The following GRIN2A variants were observed in gnomAD, a reference collection of about 807,000 sequenced individuals.
GRIN2A encodes the protein glutamate ionotropic receptor NMDA type subunit 2A.
GRIN2A carries 22 observed loss-of-function variants against 113.4 expected under a neutral mutation model. The ratio of observed to expected loss-of-function variants is 0.19; its 90% CI spans 0.14 to 0.28. GRIN2A has a LOEUF of 0.28. Among genes scored for constraint, GRIN2A ranks in the 10% least tolerant of loss-of-function variants. The probability of loss-of-function intolerance (pLI) is 1.00; values close to 1 mark genes in which losing one functional copy is unlikely to be tolerated. For missense variants in GRIN2A, 1,502 were observed against 1,887.0 expected (o/e 0.80, Z 3.78); for synonymous variants, 827 against 738.4 (o/e 1.12, Z -1.94).
intron 8 of GRIN2A, 69 bp downstream of exon 8, chr16:9,834,036 A>T: frequency 2.0e-6 from 3 of 1,524,066 alleles, no homozygotes; most frequent in Non-Finnish European, 2.7e-6. Context: ...GTGTTCTAAA[A>T]CTGAAATTTT....
intron 2 of GRIN2A, among the ~76,000 whole-genome samples, chr16:10,072,513 G>T (rs1241268242): frequency 1.3e-5 from 2 of 152,192 alleles, no homozygotes. Context: ...TGTCTGCACT[G>T]TGCCCTAGGA....
chr16:10,103,953 T>C (rs1314174845), intron 2 of GRIN2A, among the ~76,000 whole-genome samples: 1 of 152,210 alleles, frequency 6.6e-6, no homozygotes, highest in African/African-American at 2.4e-5. Flanking sequence ...TTGATGTTAT[T>C]CAGGAACCAC....
At chr16:10,001,779 C>T (rs749638770) in intron 2 of GRIN2A, among the ~76,000 whole-genome samples, 15 of 152,140 alleles carry the variant, frequency 9.9e-5, no homozygotes, top group Non-Finnish European at 1.2e-4. Flanking sequence ...GGGGTAGGCA[C>T]GGATATCCAA....
rs957436270 is a variant in GRIN2A at position 9,840,705 on chromosome 16, C to T, written c.1593G>A (p.Thr531=). ...VVDFSVPFVE[T]GISVMVSRSN... ...TTCTTGAAACCATGACACTGATTCC[C>T]GTTTCCACAAAGGGCACAGAGAAGT... Residue 531 remains threonine (T), a synonymous_variant, in exon 7 of 13, where the codon ACG becomes ACA. Coordinates refer to ENST00000330684, the MANE Select transcript of GRIN2A (RefSeq NM_001134407.3). 1.6e-5 allele frequency: 26 copies of T among 1,613,174 alleles called. No homozygotes were observed. The highest frequency in any genetic ancestry group is 6.7e-5 in the East Asian group (3 of 44,834).
At chr16:10,100,492 T>C (rs1169959405) in intron 2 of GRIN2A, among the ~76,000 whole-genome samples, 1 of 152,220 alleles carries the variant, frequency 6.6e-6, no homozygotes, top group Non-Finnish European at 1.5e-5. Flanking sequence ...TTTCCTCATC[T>C]GTAAACTGGG....
chr16:9,991,056 G>C (rs1262657445), intron 2 of GRIN2A, among the ~76,000 whole-genome samples: 1 of 151,414 alleles, frequency 6.6e-6, no homozygotes, highest in Non-Finnish European at 1.5e-5. Flanking sequence ...GACAGGGTGA[G>C]ACTCTGTCTC....
In GRIN2A at chr16:9,756,510, G is replaced by A. The variant is rs1019160355; in HGVS notation, c.*6639C>T. ...CACCTCTCTTTCTGACTTCTATTCT[G>A]ACCTCCCTGGAGGAGACCAGGCACT... On this transcript the variant is annotated 3_prime_UTR_variant, in exon 13 of 13. Transcript: ENST00000330684. The A allele has an allele frequency of 4.5e-6, 1 of 221,042 alleles. No individual in the cohort carries two copies. The highest frequency in any genetic ancestry group is 9.1e-6 in the Non-Finnish European group (1 of 110,364). The allele number at this position is 221,042 out of a possible 1,614,324, so 13.7% of individuals were successfully genotyped here.
At chr16:10,108,616 G>T (rs2048544477) in intron 2 of GRIN2A, among the ~76,000 whole-genome samples, 1 of 152,162 alleles carries the variant, frequency 6.6e-6, no homozygotes, top group African/African-American at 2.4e-5. Flanking sequence ...CGTGTTCAGG[G>T]TCACACACTT....
At chr16:10,152,379 G>T (rs1217045169) in intron 2 of GRIN2A, among the ~76,000 whole-genome samples, 1 of 152,150 alleles carries the variant, frequency 6.6e-6, no homozygotes. Context: ...GAAGCTCATG[G>T]AAATGGTTTA....
intron 11 of GRIN2A, among the ~76,000 whole-genome samples, chr16:9,783,360 C>T (rs944464530): frequency 6.6e-6 from 1 of 152,226 alleles, no homozygotes; most frequent in Non-Finnish European, 1.5e-5. Flanking sequence ...TCAGTCTTTA[C>T]CCAAATGTGG....
chr16:9,989,045 C>G (rs555264990), intron 2 of GRIN2A, among the ~76,000 whole-genome samples: 2 of 152,258 alleles, frequency 1.3e-5, no homozygotes, highest in South Asian at 4.1e-4. Flanking sequence ...CATCCATCTT[C>G]TTTGCCTCAA....
intron 5 of GRIN2A, among the ~76,000 whole-genome samples, chr16:9,848,274 G>A (rs1172976069): frequency 6.6e-6 from 1 of 150,596 alleles, no homozygotes; most frequent in African/African-American, 2.4e-5. Flanking sequence ...GGAGTGTAGT[G>A]GCTCGATCTC....
intron 2 of GRIN2A, among the ~76,000 whole-genome samples, chr16:9,940,042 AAGAGAG>A (rs565915376): frequency 7.2e-6 from 1 of 139,778 alleles, no homozygotes; most frequent in African/African-American, 2.6e-5. Flanking sequence ...GAGAGAGAGA[AAGAGAG>A]AGAGAGAGAG....
rs1266581824 is a variant in GRIN2A at position 9,764,832 on chromosome 16, A to T, written c.2712T>A (p.Ile904=). 5.0e-6 allele frequency: 8 copies of T among 1,614,134 alleles called. No homozygotes were observed. The highest frequency in any genetic ancestry group is 6.8e-6 in the Non-Finnish European group (8 of 1,180,012). Reference sequence around the variant, plus strand: ...AGGAGTTCATGTTGGACATGCTGGAAATGTTTTTGGCTGACCGGAGGAGTT... The same window carrying T: ...AGGAGTTCATGTTGGACATGCTGGATATGTTTTTGGCTGACCGGAGGAGTT... ...MLKLLRSAKN[I]SSMSNMNSSR... The change falls in exon 13 of 13, where the codon ATT becomes ATA. Residue 904 remains isoleucine (I), a synonymous_variant. Coordinates refer to ENST00000330684, the MANE Select transcript of GRIN2A (RefSeq NM_001134407.3).
At chr16:10,057,037 C>T (rs1296630937) in intron 2 of GRIN2A, among the ~76,000 whole-genome samples, 2 of 152,034 alleles carry the variant, frequency 1.3e-5, no homozygotes, top group Non-Finnish European at 2.9e-5. Context: ...TCCATCCCTC[C>T]ACCCATCCAT....
chr16:10,089,561 C>A (rs1481959426), intron 2 of GRIN2A, among the ~76,000 whole-genome samples: 1 of 152,076 alleles, frequency 6.6e-6, no homozygotes, highest in Admixed American at 6.5e-5. Flanking sequence ...TGGAGAATGT[C>A]TAAGAATTAT....
At chr16:10,098,715 C>A (rs752513552) in intron 2 of GRIN2A, among the ~76,000 whole-genome samples, 17 of 152,072 alleles carry the variant, frequency 1.1e-4, no homozygotes, top group African/African-American at 3.9e-4. Flanking sequence ...GAATGGAGAA[C>A]CAAACATTGT....
At chr16:10,112,663 G>A (rs112333946) in intron 2 of GRIN2A, 14 of 762,632 alleles carry the variant, frequency 1.8e-5, no homozygotes, top group Middle Eastern at 3.7e-4. Flanking sequence ...AGCCAGAAAC[G>A]ATACTTCAGC....
chr16:9,981,091 G>GA (rs1440020464), intron 2 of GRIN2A, among the ~76,000 whole-genome samples: 2 of 151,472 alleles, frequency 1.3e-5, no homozygotes, highest in African/African-American at 2.4e-5. Flanking sequence ...CTTAGAGGAG[G>GA]AAAAAAAGCA....
Sources: allele counts gnomAD v4.1 joint callset (sites outside exome capture counted in the v4.1 genomes callset), GRCh38; gene constraint gnomAD v4.1.1; transcripts MANE v1.5; gene names NCBI Gene and HGNC (gene_info 2026-07-23, HGNC 2026-07-21).